Variants in SUPT3H observed in about 807,000 individuals in gnomAD.
SUPT3H encodes the protein SPT3 homolog, SAGA and STAGA complex component.
Under a neutral mutation model 44.3 loss-of-function variants are expected in SUPT3H, and 44 were observed. That is an observed-to-expected ratio of 0.99 (90% CI 0.78 to 1.28). The LOEUF (loss-of-function observed/expected upper bound fraction) is 1.28. Among genes scored for constraint, SUPT3H ranks in the 50% most tolerant of loss-of-function variants. The pLI, the probability that SUPT3H is intolerant of heterozygous loss-of-function variation, is 0.00. For synonymous variants in SUPT3H, 124 were observed against 125.6 expected (o/e 0.99, Z 0.09); for missense variants, 380 against 387.1 (o/e 0.98, Z 0.15).
At chr6:44,841,806 G>A (rs1028255663) in intron 10 of SUPT3H, among the ~76,000 whole-genome samples, 21 of 152,136 alleles carry the variant, frequency 1.4e-4, no homozygotes, top group Non-Finnish European at 1.5e-5. Context: ...TTATTCATTT[G>A]TTCATTCACT....
intron 6 of SUPT3H, among the ~76,000 whole-genome samples, chr6:44,989,019 T>C (rs931137915): frequency 1.3e-5 from 2 of 152,154 alleles, no homozygotes; most frequent in Non-Finnish European, 2.9e-5. Context: ...CCACAATTCT[T>C]TGAATAACAC....
At position 44,827,511 on chromosome 6, in the gene SUPT3H, T is replaced by C. The variant is rs971235574; in HGVS notation, c.*2305A>G. 2.0e-5 allele frequency among the ~76,000 whole-genome samples: 3 copies of C among 152,102 alleles called. No individual in the cohort carries two copies. Among genetic ancestry groups the C allele is most frequent in the South Asian group, 2.1e-4 (1 of 4,834 alleles). On this transcript the variant is annotated 3_prime_UTR_variant, in exon 11 of 11. Coordinates refer to ENST00000371459, the MANE Select transcript of SUPT3H (RefSeq NM_003599.4). ...CTTTCCCTCTCTAGGCCATGGTTTT[T>C]TCATTTGCAAGATGAGCAGCTGTTC...
chr6:45,342,992 T>TAAA (rs1273228036), intron 2 of SUPT3H, among the ~76,000 whole-genome samples: 1 of 152,182 alleles, frequency 6.6e-6, no homozygotes, highest in African/African-American at 2.4e-5. Context: ...AACCAACATT[T>TAAA]AAGCTCCCTG....
At chr6:45,193,231 A>G (rs1041687597) in intron 2 of SUPT3H, among the ~76,000 whole-genome samples, 2 of 152,090 alleles carry the variant, frequency 1.3e-5, no homozygotes, top group African/African-American at 4.8e-5. Flanking sequence ...ACTTATATCC[A>G]TTTATATATA....
At chr6:44,887,024 C>T (rs1206685176) in intron 10 of SUPT3H, among the ~76,000 whole-genome samples, 1 of 152,008 alleles carries the variant, frequency 6.6e-6, no homozygotes, top group Non-Finnish European at 1.5e-5. Flanking sequence ...ACAAAGAAGG[C>T]CATTACATAA....
rs187801640 is a variant in SUPT3H at position 45,076,954 on chromosome 6, T to G, written c.186+28968A>C. On this transcript the variant is annotated intron_variant, in intron 3 of 10. Coordinates refer to ENST00000371459, the MANE Select transcript of SUPT3H (RefSeq NM_003599.4). ...ATTTCTACCGAATATGGTTTGGTAGTTTTTTAATCTCCCTTTGTTCCTTTT... is the reference window on the plus strand; with the variant it reads ...ATTTCTACCGAATATGGTTTGGTAGGTTTTTAATCTCCCTTTGTTCCTTTT... Among the ~76,000 whole-genome samples the G allele has an allele frequency of 6.6e-5, 10 of 152,274 alleles. No homozygotes were observed. The East Asian group carries it at 1.7e-3, about 27-fold the overall frequency.
chr6:45,206,787 A>G (rs1404261057), intron 2 of SUPT3H, among the ~76,000 whole-genome samples: 2 of 152,150 alleles, frequency 1.3e-5, no homozygotes, highest in Non-Finnish European at 2.9e-5. Context: ...CTGGAAGTAA[A>G]GAATTGCCAA....
At chr6:44,956,591 TG>T (rs1775257984) in intron 7 of SUPT3H, among the ~76,000 whole-genome samples, 1 of 151,552 alleles carries the variant, frequency 6.6e-6, no homozygotes, top group African/African-American at 2.4e-5. Context: ...TCTAAGCCTG[TG>T]GTTACATTTT....
In SUPT3H at chr6:44,954,552, T is replaced by C. The variant is rs1774825293; in HGVS notation, c.636A>G (p.Lys212=). Residue 212 remains lysine, a synonymous_variant, in exon 8 of 11, where the codon AAA becomes AAG. Transcript: ENST00000371459. Reference sequence around the variant, plus strand: ...AGATTTCCATTGCGACAACATTGGGTTTTATCTCCATACTGCTGCAGTCCA... The same window carrying C: ...AGATTTCCATTGCGACAACATTGGGCTTTATCTCCATACTGCTGCAGTCCA... ...DWLDCSSMEI[K]PNVVAMEILA... The C allele has an allele frequency of 6.2e-7, 1 of 1,614,108 alleles. No individual in the cohort carries two copies. Among genetic ancestry groups the C allele is most frequent in the Non-Finnish European group, 8.5e-7 (1 of 1,180,018 alleles).
downstream of SUPT3H, among the ~76,000 whole-genome samples, chr6:44,822,255 A>G (rs1297852677): frequency 6.6e-6 from 1 of 152,222 alleles, no homozygotes; most frequent in Admixed American, 6.5e-5. Flanking sequence ...GAATGGCTAT[A>G]AAGAAAACAG....
intron 2 of SUPT3H, among the ~76,000 whole-genome samples, chr6:45,341,566 T>C (rs760472391): frequency 5.9e-5 from 9 of 152,146 alleles, no homozygotes; most frequent in African/African-American, 9.7e-5. Context: ...ATTAGAAACA[T>C]CCACTGAAAA....
At chr6:44,826,457 G>C (rs1361466012), downstream of SUPT3H, among the ~76,000 whole-genome samples, 1 of 152,272 alleles carries the variant, frequency 6.6e-6, no homozygotes, top group East Asian at 1.9e-4. Flanking sequence ...TTTGCAGAGT[G>C]TTTATGTACT....
intron 2 of SUPT3H, among the ~76,000 whole-genome samples, chr6:45,349,287 T>A (rs1308750002): frequency 6.6e-6 from 1 of 152,206 alleles, no homozygotes; most frequent in East Asian, 1.9e-4. Context: ...ATGAGTCCAC[T>A]AAAATAAGGA....
chr6:44,815,076 TTGTG>T (rs144410922), intron 11 of SUPT3H, among the ~76,000 whole-genome samples: 26 of 151,966 alleles, frequency 1.7e-4, no homozygotes, highest in East Asian at 1.2e-3. Flanking sequence ...TATGAACATA[TTGTG>T]TGTGTGTGTA....
intron 2 of SUPT3H, among the ~76,000 whole-genome samples, chr6:45,307,370 G>C (rs987068456): frequency 6.6e-6 from 1 of 152,188 alleles, no homozygotes; most frequent in East Asian, 1.9e-4. Context: ...GCACCCCCCA[G>C]TAGGGGCAGA....
intron 3 of SUPT3H, among the ~76,000 whole-genome samples, chr6:45,068,672 G>A (rs1217920399): frequency 2.0e-5 from 3 of 152,110 alleles, no homozygotes; most frequent in African/African-American, 7.2e-5. Context: ...CCCAGGCTTA[G>A]TGAATTGCTG....
At chr6:45,113,846 A>AT (rs1800443280) in intron 2 of SUPT3H, among the ~76,000 whole-genome samples, 1 of 151,172 alleles carries the variant, frequency 6.6e-6, no homozygotes, top group African/African-American at 2.4e-5. Context: ...AAAAAAAAAA[A>AT]ATCAAATAAA....
chr6:45,025,837 A>T (rs13202529), intron 3 of SUPT3H, among the ~76,000 whole-genome samples: 2 of 150,408 alleles, frequency 1.3e-5, no homozygotes. Flanking sequence ...GAGCTGAGAT[A>T]GCGCCACTGC....
intron 2 of SUPT3H, among the ~76,000 whole-genome samples, chr6:45,344,010 T>C (rs1790350201): frequency 6.6e-6 from 1 of 152,198 alleles, no homozygotes; most frequent in East Asian, 1.9e-4. Flanking sequence ...ATTCCTGTCT[T>C]TTTTCCTCTC....
Sources: gnomAD v4.1 joint callset for allele counts (sites outside exome capture counted in the v4.1 genomes callset) on GRCh38, gnomAD v4.1.1 for gene constraint, MANE v1.5 for transcripts, NCBI Gene and HGNC (gene_info 2026-07-23, HGNC 2026-07-21) for gene names.